Variants in HS6ST3 observed in about 807,000 individuals in gnomAD.
The protein encoded by HS6ST3 is heparan sulfate 6-O-sulfotransferase 3.
HS6ST3 carries 12 observed loss-of-function variants against 36.7 expected under a neutral mutation model. That is an observed-to-expected ratio of 0.33 (90% CI 0.21 to 0.53). The LOEUF (loss-of-function observed/expected upper bound fraction) is 0.53, where lower values mean the gene tolerates loss of function less well. HS6ST3 is among the 20% of genes least tolerant of loss of function. HS6ST3 has a pLI of 0.95. For synonymous variants in HS6ST3, 240 were observed against 257.5 expected (o/e 0.93, Z 0.65); for missense variants, 584 against 640.9 (o/e 0.91, Z 0.96).
intron 1 of HS6ST3, among the ~76,000 whole-genome samples, chr13:96,105,495 A>G (rs1049594911): frequency 5.9e-5 from 9 of 152,082 alleles, no homozygotes; most frequent in Admixed American, 3.3e-4. Context: ...TACTAAAAAT[A>G]CAAAAATTAT....
chr13:96,825,303 C>T (rs532911391), intron 1 of HS6ST3, among the ~76,000 whole-genome samples: 1 of 152,244 alleles, frequency 6.6e-6, no homozygotes, highest in Admixed American at 6.5e-5. Context: ...AAAGTGATTC[C>T]AGGAACTTAT....
intron 1 of HS6ST3, among the ~76,000 whole-genome samples, chr13:96,191,270 A>G (rs2054287194): frequency 6.6e-6 from 1 of 152,090 alleles, no homozygotes; most frequent in Non-Finnish European, 1.5e-5. Context: ...ACCTTTCTAA[A>G]ATGCAACTTT....
At chr13:96,682,143 T>C (rs959674841) in intron 1 of HS6ST3, among the ~76,000 whole-genome samples, 1 of 152,158 alleles carries the variant, frequency 6.6e-6, no homozygotes, top group African/African-American at 2.4e-5. Flanking sequence ...TATTAACTAG[T>C]ACTCAGGTCT....
intron 1 of HS6ST3, among the ~76,000 whole-genome samples, chr13:96,582,794 A>T (rs2056346558): frequency 6.6e-6 from 1 of 152,184 alleles, no homozygotes; most frequent in African/African-American, 2.4e-5. Flanking sequence ...CTATTTACAT[A>T]TGCATATATT....
At chr13:96,332,790 C>G (rs1001936813) in intron 1 of HS6ST3, among the ~76,000 whole-genome samples, 2 of 152,212 alleles carry the variant, frequency 1.3e-5, no homozygotes, top group Admixed American at 6.5e-5. Flanking sequence ...ATATGTTCAT[C>G]AGAAACACAT....
intron 1 of HS6ST3, among the ~76,000 whole-genome samples, chr13:96,422,540 T>C (rs1054212808): frequency 5.3e-5 from 8 of 152,116 alleles, no homozygotes; most frequent in African/African-American, 1.7e-4. Flanking sequence ...TTGCAGAAGG[T>C]GTGTCAGAAT....
intron 1 of HS6ST3, among the ~76,000 whole-genome samples, chr13:96,115,600 A>G (rs1350791647): frequency 6.6e-6 from 1 of 152,204 alleles, no homozygotes; most frequent in African/African-American, 2.4e-5. Context: ...GTGGCTGCAT[A>G]GTATTCCATG....
intron 1 of HS6ST3, among the ~76,000 whole-genome samples, chr13:96,315,119 T>C (rs1205215092): frequency 6.6e-6 from 1 of 152,168 alleles, no homozygotes; most frequent in African/African-American, 2.4e-5. Context: ...GCTGAATATA[T>C]CAGCTGTAGA....
chr13:96,161,308 A>G (rs1238085763), intron 1 of HS6ST3, among the ~76,000 whole-genome samples: 1 of 152,194 alleles, frequency 6.6e-6, no homozygotes, highest in African/African-American at 2.4e-5. Flanking sequence ...GGAAAGTTTC[A>G]TAGGAGAGAT....
intron 1 of HS6ST3, among the ~76,000 whole-genome samples, chr13:96,499,641 T>G (rs2055994360): frequency 6.6e-6 from 1 of 152,168 alleles, no homozygotes; most frequent in Admixed American, 6.5e-5. Context: ...AGGAACCCTG[T>G]GGCTTTCTGG....
chr13:96,524,341 G>C (rs940341820), intron 1 of HS6ST3, among the ~76,000 whole-genome samples: 1 of 152,196 alleles, frequency 6.6e-6, no homozygotes, highest in Non-Finnish European at 1.5e-5. Flanking sequence ...GAGGCAGTCT[G>C]TCCGTTGTCA....
chr13:96,407,698 T>C (rs2055485983), intron 1 of HS6ST3, among the ~76,000 whole-genome samples: 1 of 152,132 alleles, frequency 6.6e-6, no homozygotes, highest in African/African-American at 2.4e-5. Context: ...TCCTCGTCCA[T>C]GGAGAATTTA....
intron 1 of HS6ST3, among the ~76,000 whole-genome samples, chr13:96,334,578 C>G (rs2055090238): frequency 1.3e-5 from 2 of 152,088 alleles, no homozygotes; most frequent in Admixed American, 1.3e-4. Context: ...CTGGGGAGGC[C>G]CCACAATGAT....
intron 1 of HS6ST3, among the ~76,000 whole-genome samples, chr13:96,381,545 T>G (rs1049640952): frequency 6.6e-6 from 1 of 152,116 alleles, no homozygotes; most frequent in African/African-American, 2.4e-5. Context: ...AATCTCATTG[T>G]CTGTGAAATG....
intron 1 of HS6ST3, among the ~76,000 whole-genome samples, chr13:96,602,767 G>A (rs2056426170): frequency 1.3e-5 from 2 of 152,140 alleles, no homozygotes; most frequent in Admixed American, 1.3e-4. Context: ...CTTGGATTAT[G>A]GGGCTGTGGG....
At chr13:96,562,413 T>C (rs1269396536) in intron 1 of HS6ST3, among the ~76,000 whole-genome samples, 3 of 152,152 alleles carry the variant, frequency 2.0e-5, no homozygotes, top group Non-Finnish European at 4.4e-5. Flanking sequence ...TGTTGGGTAC[T>C]ATGCTCAGTA....
intron 1 of HS6ST3, among the ~76,000 whole-genome samples, chr13:96,215,696 AT>A (rs1175461660): frequency 6.6e-6 from 1 of 151,164 alleles, no homozygotes; most frequent in African/African-American, 2.4e-5. Context: ...AAAGTAATAT[AT>A]GCTTATTGTA....
At chr13:96,509,116 GT>G (rs2056038538) in intron 1 of HS6ST3, among the ~76,000 whole-genome samples, 1 of 152,032 alleles carries the variant, frequency 6.6e-6, no homozygotes, top group Non-Finnish European at 1.5e-5. Context: ...GATGTTGAAA[GT>G]TTTTTCATAT....
At chr13:96,097,441 A>T (rs2053797021) in intron 1 of HS6ST3, among the ~76,000 whole-genome samples, 1 of 152,224 alleles carries the variant, frequency 6.6e-6, no homozygotes, top group South Asian at 2.1e-4. Flanking sequence ...GTCATGAAAT[A>T]AATTATTGGG....
Sources: allele counts gnomAD v4.1 joint callset (sites outside exome capture counted in the v4.1 genomes callset), GRCh38; gene constraint gnomAD v4.1.1; transcripts MANE v1.5; gene names NCBI Gene and HGNC (gene_info 2026-07-23, HGNC 2026-07-21).